Variants in TEX26 observed in about 807,000 individuals in gnomAD.
TEX26 encodes testis-expressed protein 26.
In TEX26, 34 loss-of-function variants were observed where a neutral mutation model predicts 35.3. That is an observed-to-expected ratio of 0.96 (90% CI 0.73 to 1.28). The LOEUF is 1.28. Among genes scored for constraint, TEX26 ranks in the 50% most tolerant of loss-of-function variants. The pLI, the probability that TEX26 is intolerant of heterozygous loss-of-function variation, is 0.00. For synonymous variants in TEX26, 136 were observed against 111.8 expected (o/e 1.22, Z -1.36); for missense variants, 371 against 330.1 (o/e 1.12, Z -0.96).
intron 4 of TEX26, among the ~76,000 whole-genome samples, chr13:30,959,223 AC>A (rs1954248301): frequency 6.6e-6 from 1 of 152,224 alleles, no homozygotes; most frequent in Admixed American, 6.5e-5. Context: ...ATGATTACTT[AC>A]AGGCATATAA....
chr13:30,962,373 C>T (rs1211401449), intron 4 of TEX26, among the ~76,000 whole-genome samples: 3 of 152,222 alleles, frequency 2.0e-5, no homozygotes, highest in African/African-American at 4.8e-5. Flanking sequence ...TAACAGCCTC[C>T]GCATACCTCC....
At chr13:30,973,235 T>C (rs1216980043) in intron 6 of TEX26, 1 of 152,152 alleles carries the variant, frequency 6.6e-6, no homozygotes, top group East Asian at 1.9e-4. Context: ...GAGCAAAACA[T>C]ATGAACCTCA....
intron 2 of TEX26, among the ~76,000 whole-genome samples, chr13:30,952,367 A>C (rs1465512479): frequency 6.6e-6 from 1 of 152,158 alleles, no homozygotes; most frequent in Non-Finnish European, 1.5e-5. Context: ...GTTACACTGA[A>C]GTGCCATTTG....
chr13:30,934,319 G>A (rs1953185571), intron 1 of TEX26, among the ~76,000 whole-genome samples: 1 of 152,200 alleles, frequency 6.6e-6, no homozygotes, highest in Non-Finnish European at 1.5e-5. Context: ...CCTCCAAATG[G>A]TAGGCTTGAT....
intron 2 of TEX26, among the ~76,000 whole-genome samples, chr13:30,949,182 C>CA (rs1953830392): frequency 6.6e-6 from 1 of 152,084 alleles, no homozygotes; most frequent in Non-Finnish European, 1.5e-5. Flanking sequence ...TGTGATGCCT[C>CA]AAGCTTTGAC....
intron 6 of TEX26, among the ~76,000 whole-genome samples, chr13:30,972,655 G>T (rs2138357781): frequency 6.6e-6 from 1 of 152,258 alleles, no homozygotes; most frequent in Admixed American, 6.5e-5. Flanking sequence ...TTGTTTTTGA[G>T]ACAGAATCTC....
At chr13:30,937,086 AT>A in intron 1 of TEX26, 1 of 736,522 alleles carries the variant, frequency 1.4e-6, no homozygotes, top group Non-Finnish European at 1.7e-6. Flanking sequence ...GCAGGTTAGG[AT>A]TAGGGAGTGG....
intron 6 of TEX26, among the ~76,000 whole-genome samples, chr13:30,969,700 TCA>T (rs1219114490): frequency 6.6e-6 from 1 of 152,154 alleles, no homozygotes; most frequent in East Asian, 1.9e-4. Flanking sequence ...ACGTGAGGGA[TCA>T]CACACCCCCT....
intron 5 of TEX26, among the ~76,000 whole-genome samples, chr13:30,967,205 G>A (rs1296554071): frequency 6.6e-6 from 1 of 152,160 alleles, no homozygotes; most frequent in Non-Finnish European, 1.5e-5. Flanking sequence ...CTGAGACATG[G>A]TTCATTCCTG....
intron 1 of TEX26, among the ~76,000 whole-genome samples, chr13:30,934,126 G>A (rs1262377499): frequency 6.6e-6 from 1 of 152,306 alleles, no homozygotes; most frequent in African/African-American, 2.4e-5. Context: ...CAGTTAAGAG[G>A]GTCCTAGCTG....
At chr13:30,957,106 T>C in intron 4 of TEX26, 77 bp downstream of exon 4, 1 of 1,439,312 alleles carries the variant, frequency 6.9e-7, no homozygotes, top group Non-Finnish European at 9.5e-7. Context: ...AGCATGCGTG[T>C]GTTCTTCTCC....
chr13:30,967,412 T>C (rs1331846), intron 5 of TEX26, among the ~76,000 whole-genome samples: 105,604 of 152,158 alleles, frequency 0.69, 37,397 homozygotes, highest in African/African-American at 0.84. Flanking sequence ...CTTCGTTGTC[T>C]GATGCTCCAA....
rs767226337 is a variant in TEX26 at position 30,966,329 on chromosome 13, C to A, written c.577C>A (p.Pro193Thr). 1.2e-6 allele frequency: 2 copies of A among 1,614,056 alleles called. No individual in the cohort carries two copies. The highest frequency in any genetic ancestry group is 1.3e-5 in the African/African-American group (1 of 75,028). Residue 193 changes from proline to threonine, a missense_variant, in exon 5 of 7, where the codon CCT (proline) becomes ACT (threonine). By Grantham distance (38) the Pro-to-Thr change is conservative. Coordinates refer to ENST00000380473, the MANE Select transcript of TEX26 (RefSeq NM_152325.3). ...GAATTACCAAATTCCAGCTAAAATTCCTGAGCTTCAAGATTTCAGTTTCAA... is the reference window on the plus strand; with the variant it reads ...GAATTACCAAATTCCAGCTAAAATTACTGAGCTTCAAGATTTCAGTTTCAA... The part of the protein sequence containing the change: ...RRNYQIPAKI[P>T]ELQDFSFKYG...
chr13:30,950,178 G>A (rs1034085978), intron 2 of TEX26, among the ~76,000 whole-genome samples: 5 of 152,190 alleles, frequency 3.3e-5, no homozygotes, highest in Non-Finnish European at 7.3e-5. Context: ...GGCCAAGGCG[G>A]GTAGGTCACC....
chr13:30,936,746 A>G lies in TEX26; in HGVS notation c.62-2948A>G, dbSNP rs1486870242. ...TTGGGGACTTCTTTGAAGGAGGAAC[A>G]GAAAATGAGAGAAGAAAGAATTAGG... On this transcript the variant is annotated intron_variant, in intron 1 of 6. Transcript: ENST00000380473. 13 of 985,340 alleles carry G rather than the reference A, an allele frequency of 1.3e-5. No individual in the cohort carries two copies. In the Admixed American group the frequency reaches 8.0e-4, roughly 61 times the overall value. 61.0% of individuals were successfully genotyped at this position (985,340 alleles called of 1,614,324 possible).
At chr13:30,965,639 T>C (rs914707874) in intron 4 of TEX26, among the ~76,000 whole-genome samples, 2 of 152,212 alleles carry the variant, frequency 1.3e-5, no homozygotes, top group African/African-American at 2.4e-5. Context: ...AATGAATATG[T>C]TTTAGCAGAG....
chr13:30,974,130 A>AT (rs1437913630), intron 6 of TEX26, among the ~76,000 whole-genome samples: 197 of 101,404 alleles, frequency 1.9e-3, no homozygotes, highest in African/African-American at 4.9e-3. Flanking sequence ...AAAAAAAAAA[A>AT]AATATATATA....
chr13:30,956,461 C>T (rs1381518318), intron 3 of TEX26, among the ~76,000 whole-genome samples: 2 of 152,150 alleles, frequency 1.3e-5, no homozygotes, highest in Non-Finnish European at 2.9e-5. Context: ...CATTCCTGTC[C>T]TTCAGCAAGT....
chr13:30,933,073 T>C (rs1953135361), intron 1 of TEX26: 1 of 310,396 alleles, frequency 3.2e-6, no homozygotes, highest in Non-Finnish European at 5.9e-6. Context: ...GAACTGGTGA[T>C]TTTCCAAGGA....
Sources: allele counts gnomAD v4.1 joint callset (sites outside exome capture counted in the v4.1 genomes callset), GRCh38; gene constraint gnomAD v4.1.1; transcripts MANE v1.5; gene names NCBI Gene and HGNC (gene_info 2026-07-23, HGNC 2026-07-21).